Variants in MINK1 observed in about 807,000 individuals in gnomAD.
MINK1 encodes the protein misshapen like kinase 1.
MINK1 carries 46 observed loss-of-function variants against 178.4 expected under a neutral mutation model. That is an observed-to-expected ratio of 0.26 (90% CI 0.20 to 0.33). MINK1 has a LOEUF of 0.33. MINK1 is among the 10% of genes least tolerant of loss of function. The pLI is 1.00. For missense variants in MINK1, 1,366 were observed against 1,814.9 expected (o/e 0.75, Z 4.49); for synonymous variants, 797 against 709.7 (o/e 1.12, Z -1.96).
intron 1 of MINK1, among the ~76,000 whole-genome samples, chr17:4,868,032 A>G (rs1597463418): frequency 6.6e-6 from 1 of 150,556 alleles, no homozygotes; most frequent in East Asian, 2.0e-4. Flanking sequence ...GCTGGAGTGC[A>G]ATGGCATGAT....
intron 13 of MINK1, 138 bp downstream of exon 13, chr17:4,889,901 T>C (rs1968606641): frequency 1.5e-6 from 1 of 665,022 alleles, no homozygotes; most frequent in African/African-American, 1.9e-5. Context: ...TCTTTCTCTC[T>C]GTTTTCTCCC....
chr17:4,844,498 A>C, intron 1 of MINK1: 1 of 467,442 alleles, frequency 2.1e-6, no homozygotes, highest in Non-Finnish European at 4.3e-6. Flanking sequence ...CTTGGCCTCT[A>C]GATCTGTGTC....
chr17:4,892,300 A>G, intron 17 of MINK1, 66 bp downstream of exon 17: 1 of 1,501,198 alleles, frequency 6.7e-7, no homozygotes, highest in South Asian at 1.2e-5. Flanking sequence ...GGGGGGGCAC[A>G]GGGACTTTAC....
chr17:4,839,747 G>C (rs1471483855), intron 1 of MINK1, among the ~76,000 whole-genome samples: 1 of 152,160 alleles, frequency 6.6e-6, no homozygotes, highest in Non-Finnish European at 1.5e-5. Context: ...AGAAAAGAGG[G>C]ATGGAATTGT....
chr17:4,880,460 T>C (rs1246236803), intron 2 of MINK1, among the ~76,000 whole-genome samples: 1 of 150,766 alleles, frequency 6.6e-6, no homozygotes, highest in Non-Finnish European at 1.5e-5. Flanking sequence ...TAATTTTTTG[T>C]ATTTTTAGTG....
Position 4,887,715 on chromosome 17 carries a change from A to G in MINK1, c.1155A>G (p.Ala385=), listed in dbSNP as rs1968349958. The G allele has an allele frequency of 6.4e-7, 1 of 1,556,354 alleles. No individual in the cohort carries two copies. The highest frequency in any genetic ancestry group is 8.7e-7 in the Non-Finnish European group (1 of 1,150,726). ...LQQQQQRDPE[A]HIKHLLHQRQ... is the part of the protein sequence containing the mutation. ...AGCAGCAGCAGCGAGACCCCGAGGC[A>G]CACATCAAACACCTGCTGCACCAGC... The change falls in exon 12 of 32, where the codon GCA becomes GCG. Residue 385 remains alanine (A), a synonymous_variant. Coordinates refer to ENST00000355280, the MANE Select transcript of MINK1 (RefSeq NM_153827.5). The surrounding 1 kb of genome is among the most constrained non-coding windows in gnomAD (Gnocchi z 7.6).
At chr17:4,897,126 CT>C (rs2151085592) in intron 31 of MINK1, 77 bp from the exon 32 acceptor site, 6 of 1,231,186 alleles carry the variant, frequency 4.9e-6, no homozygotes, top group Non-Finnish European at 7.0e-6. Flanking sequence ...GCCACCCCTT[CT>C]TCCCTTCTTT....
Position 4,891,691 on chromosome 17 carries a change from G to A in MINK1, c.1976G>A (p.Arg659His), listed in dbSNP as rs146578027. The A allele has an allele frequency of 7.5e-4, 1,198 of 1,602,300 alleles. 14 individuals carry two copies. The East Asian group carries it at 0.025, about 33-fold the overall frequency. The change falls in exon 16 of 32, where the codon CGC becomes CAC. Residue 659 changes from arginine to histidine, a missense_variant. Physicochemically the swap from Arg to His is conservative, Grantham distance 29. Transcript: ENST00000355280. ...AGCCCGAATCCCCCAGCCTGGGTCC[G>A]CCCAGATAACGAGGCCCCACCCAAG... ...GPSPNPPAWV[R>H]PDNEAPPKVP...
At chr17:4,893,855 C>A in intron 21 of MINK1, 133 bp from the exon 22 acceptor site, 1 of 875,810 alleles carries the variant, frequency 1.1e-6, no homozygotes, top group Non-Finnish European at 1.7e-6. Context: ...GGAGCAGGGG[C>A]TACACCGTGA....
rs1460714985 is a variant in MINK1 at position 4,895,379 on chromosome 17, G to A, written c.3115G>A (p.Gly1039Arg). The A allele has an allele frequency of 3.7e-6, 6 of 1,609,276 alleles. No individual in the cohort carries two copies. Among genetic ancestry groups the A allele is most frequent in the East Asian group, 4.5e-5 (2 of 44,832 alleles). Residue 1039 changes from glycine to arginine, a missense_variant, in exon 26 of 32, where the codon GGG (glycine) becomes AGG (arginine). By Grantham distance (125) the Gly-to-Arg change is moderately radical. This residue lies in a region of MINK1 where 1 missense variants were observed against 18.2 expected (regional missense o/e 0.06). Transcript: ENST00000355280. The surrounding 1 kb of genome is among the most constrained non-coding windows in gnomAD (Gnocchi z 4.3). ...GVNLLVGTEN[G>R]LMLLDRSGQG... ...CAACCTGCTGGTGGGCACGGAGAAC[G>A]GGCTGATGTTGCTGGACCGAAGTGG...
chr17:4,837,717 T>C (rs1446506956), intron 1 of MINK1, among the ~76,000 whole-genome samples: 1 of 152,232 alleles, frequency 6.6e-6, no homozygotes, highest in African/African-American at 2.4e-5. Context: ...GTTGACCCAC[T>C]TCGTAAATCA....
chr17:4,888,330 C>T (rs1968414932), intron 12 of MINK1, among the ~76,000 whole-genome samples: 1 of 151,952 alleles, frequency 6.6e-6, no homozygotes, highest in Non-Finnish European at 1.5e-5. Flanking sequence ...TACAGAAGAG[C>T]CTTGTGCAGT....
intron 12 of MINK1, among the ~76,000 whole-genome samples, chr17:4,888,085 G>A (rs1180656433): frequency 2.0e-5 from 3 of 151,670 alleles, no homozygotes; most frequent in African/African-American, 4.9e-5. Context: ...GTGTGGTGGC[G>A]CATGCCTGTA....
At chr17:4,859,530 G>A (rs962228230) in intron 1 of MINK1, among the ~76,000 whole-genome samples, 5 of 152,086 alleles carry the variant, frequency 3.3e-5, no homozygotes, top group Admixed American at 6.6e-5. Flanking sequence ...CACTGGCTAC[G>A]TAATCCCAGC....
chr17:4,850,008 G>A (rs1017010318), intron 1 of MINK1, among the ~76,000 whole-genome samples: 3 of 152,056 alleles, frequency 2.0e-5, no homozygotes, highest in Admixed American at 6.6e-5. Context: ...GTGCAGTGGC[G>A]CAAGCGTGGC....
chr17:4,884,560 G>GGAGA, intron 5 of MINK1, 87 bp downstream of exon 5: 1 of 1,013,188 alleles, frequency 9.9e-7, no homozygotes, highest in Non-Finnish European at 1.5e-6. Flanking sequence ...TGCGCTGGGA[G>GGAGA]GAGACATCAC....
chr17:4,878,204 T>C, intron 1 of MINK1, 113 bp from the exon 2 acceptor site: 2 of 900,432 alleles, frequency 2.2e-6, no homozygotes, highest in South Asian at 3.0e-5. Context: ...CGTGCCCTCC[T>C]GATATGCTGG....
At chr17:4,867,569 G>A (rs1915222491) in intron 1 of MINK1, among the ~76,000 whole-genome samples, 1 of 152,114 alleles carries the variant, frequency 6.6e-6, no homozygotes, top group East Asian at 1.9e-4. Flanking sequence ...GGGGGCTAAG[G>A]TGGGCGGATC....
intron 1 of MINK1, chr17:4,847,240 T>TCATG (rs1263813785): frequency 2.2e-6 from 1 of 457,746 alleles, no homozygotes; most frequent in East Asian, 6.8e-5. Context: ...GTTCATTCAT[T>TCATG]CATTCATTCA....
Sources: allele counts gnomAD v4.1 joint callset (sites outside exome capture counted in the v4.1 genomes callset), GRCh38; gene constraint gnomAD v4.1.1; regional missense constraint gnomAD v4.1.1; non-coding constraint Gnocchi (gnomAD v3.1); transcripts MANE v1.5; gene names NCBI Gene and HGNC (gene_info 2026-07-23, HGNC 2026-07-21).